Variants in TRPV3 observed in about 807,000 individuals in gnomAD.
TRPV3 encodes the protein VRL-3.
Under a neutral mutation model 87.1 loss-of-function variants are expected in TRPV3, and 88 were observed. The observed-to-expected ratio is 1.01, with a 90% CI of 0.85 to 1.21. The LOEUF is 1.21. TRPV3 is among the 50% of genes most tolerant of loss of function. The probability of loss-of-function intolerance (pLI) is 0.00; values close to 1 mark genes in which losing one functional copy is unlikely to be tolerated. For synonymous variants in TRPV3, 438 were observed against 423.3 expected, an observed-to-expected ratio of 1.03 and a Z score of -0.43; for missense variants, 1,054 against 1,030.1, an observed-to-expected ratio of 1.02 and a Z score of -0.32.
chr17:3,528,942 C>T lies in TRPV3; in HGVS notation c.1296G>A (p.Lys432=), dbSNP rs1409975346. The change falls in exon 10 of 18, where the codon AAG becomes AAA. Residue 432 remains lysine (K), a synonymous_variant. Transcript: ENST00000576742. This position sits in a 1 kb window ranked among gnomAD's most constrained non-coding sequence, Gnocchi z 4.2. ...ACATGTGCTTGGCAAACTTCTTCCA[C>T]TTCATATGCAGCAGCGTGTGCAGCG... ...LEPLHTLLHM[K]WKKFAKHMFF... The T allele has an allele frequency of 1.5e-5, 25 of 1,614,224 alleles. No individual in the cohort carries two copies. Among genetic ancestry groups the T allele is most frequent in the Non-Finnish European group, 2.1e-5 (25 of 1,180,044 alleles).
intron 13 of TRPV3, among the ~76,000 whole-genome samples, chr17:3,523,493 T>C (rs142013957): frequency 0.051 from 7,710 of 152,114 alleles, 650 homozygotes; most frequent in African/African-American, 0.17. Context: ...CCGAGGCAGG[T>C]GGATCACCTG....
At chr17:3,535,447 C>G in intron 7 of TRPV3, 126 bp downstream of exon 7, 1 of 940,716 alleles carries the variant, frequency 1.1e-6, no homozygotes. Context: ...TCCCTCCTCA[C>G]TTCCTTCCTC....
At chr17:3,554,980 C>G (rs2074613806) in intron 1 of TRPV3, 128 bp from the exon 2 acceptor site, 2 of 603,926 alleles carry the variant, frequency 3.3e-6, no homozygotes, top group East Asian at 2.8e-5. Flanking sequence ...TCACTCCTCC[C>G]TTCCCAGTTC....
chr17:3,549,287 G>A lies in TRPV3; in HGVS notation c.120-4016C>T, dbSNP rs151187922. On this transcript the variant is annotated intron_variant, in intron 2 of 17. Transcript: ENST00000576742. The stretch of plus-strand genomic sequence containing the variant: ...GAGCATCTACAATGTGCCAGGCACT[G>A]TTTCTGCAGCTGAGGATACAGTAGT... Among the ~76,000 whole-genome samples the A allele has an allele frequency of 1.8e-3, 274 of 152,304 alleles. 2 individuals carry two copies. The East Asian group carries it at 0.03, about 17-fold the overall frequency.
intron 2 of TRPV3, among the ~76,000 whole-genome samples, chr17:3,546,222 A>G (rs1174130501): frequency 6.6e-6 from 1 of 152,110 alleles, no homozygotes; most frequent in Non-Finnish European, 1.5e-5. Context: ...CGGGCGGATC[A>G]TCTGAGGTCG....
At chr17:3,514,513 A>AGG in intron 17 of TRPV3, 80 bp downstream of exon 17, 1 of 1,000,688 alleles carries the variant, frequency 1.0e-6, no homozygotes, top group Admixed American at 1.8e-5. Flanking sequence ...GGGGAAAGTC[A>AGG]GGACCCTTAG....
Position 3,543,528 on chromosome 17 carries a change from A to C in TRPV3, c.412T>G (p.Leu138Val). The C allele has an allele frequency of 6.2e-7, 1 of 1,613,808 alleles. No homozygotes were observed. Among genetic ancestry groups the C allele is most frequent in the South Asian group, 1.1e-5 (1 of 91,068 alleles). ...SEGCVEELVE[L>V]LVELQELCRR... The stretch of plus-strand genomic sequence containing the variant: ...CAAAGCTCCTGCAGCTCCACCAGCA[A>C]CTCTACCAACTCCTCCACGCAGCCC... Residue 138 changes from leucine (L) to valine (V), a missense_variant, in exon 5 of 18, where the codon TTG (leucine) becomes GTG (valine). By Grantham distance (32) the Leu-to-Val change is conservative. Coordinates refer to ENST00000576742, the MANE Select transcript of TRPV3 (RefSeq NM_145068.4).
intron 12 of TRPV3, among the ~76,000 whole-genome samples, chr17:3,525,054 C>T (rs563312464): frequency 3.3e-5 from 5 of 152,180 alleles, no homozygotes; most frequent in Admixed American, 6.5e-5. Context: ...GGGTCTTGCT[C>T]TGTCACCTAG....
chr17:3,538,717 T>C (rs1001002800), intron 6 of TRPV3, among the ~76,000 whole-genome samples: 7 of 152,036 alleles, frequency 4.6e-5, no homozygotes, highest in Non-Finnish European at 5.9e-5. Context: ...CCCAAGTAGC[T>C]GGGATTACAA....
At chr17:3,544,543 T>C in intron 4 of TRPV3, 36 bp downstream of exon 4, 1 of 1,370,842 alleles carries the variant, frequency 7.3e-7, no homozygotes, top group East Asian at 2.4e-5. Flanking sequence ...CCAGCCTGGG[T>C]GGGCACAGTG....
chr17:3,510,784 G>T lies in TRPV3; in HGVS notation c.*3133C>A, dbSNP rs907864156. ...GCCCGGATGACGGCCCATCTACCTGGGCCCTGCCCAGAGCGAAAGGTCACA... is the reference window on the plus strand; with the variant it reads ...GCCCGGATGACGGCCCATCTACCTGTGCCCTGCCCAGAGCGAAAGGTCACA... On this transcript the variant is annotated 3_prime_UTR_variant, in exon 18 of 18. Transcript: ENST00000576742. 3 of 152,172 alleles carry T rather than the reference G, an allele frequency of 2.0e-5. No homozygotes were observed. The highest frequency in any genetic ancestry group is 4.4e-5 in the Non-Finnish European group (3 of 68,036). The allele number at this position is 152,172 out of a possible 1,614,324, so 9.4% of individuals were successfully genotyped here.
chr17:3,527,118 A>T (rs2074307234), intron 11 of TRPV3, among the ~76,000 whole-genome samples, 191 bp from the exon 12 acceptor site: 1 of 152,036 alleles, frequency 6.6e-6, no homozygotes, highest in Non-Finnish European at 1.5e-5. Context: ...GTGAAGGTGA[A>T]CGCTCCCTCA....
intron 2 of TRPV3, among the ~76,000 whole-genome samples, chr17:3,545,989 C>CAA (rs376341464): frequency 2.6e-5 from 3 of 113,902 alleles, no homozygotes; most frequent in East Asian, 2.6e-4. Flanking sequence ...GACTCCGTCT[C>CAA]AAAAAAAAAA....
intron 6 of TRPV3, among the ~76,000 whole-genome samples, chr17:3,540,634 C>G (rs1453376258): frequency 2.6e-5 from 4 of 152,184 alleles, no homozygotes; most frequent in African/African-American, 9.7e-5. Context: ...AGACTTCATC[C>G]CTGCCCTCAA....
At chr17:3,520,019 T>G in intron 14 of TRPV3, among the ~76,000 whole-genome samples, 1 of 148,550 alleles carries the variant, frequency 6.7e-6, no homozygotes. Context: ...GATGGACGGA[T>G]AGACAGGTGG....
At chr17:3,541,204 A>G (rs1213966219) in intron 6 of TRPV3, among the ~76,000 whole-genome samples, 1 of 152,082 alleles carries the variant, frequency 6.6e-6, no homozygotes, top group Non-Finnish European at 1.5e-5. Context: ...CGTCTCTACT[A>G]AAAATCCAAA....
intron 17 of TRPV3, 92 bp downstream of exon 17, chr17:3,514,501 A>G (rs896305066): frequency 1.1e-5 from 10 of 877,244 alleles, no homozygotes; most frequent in Admixed American, 2.0e-5. Flanking sequence ...CATTTGACAG[A>G]TGGGGAAAGT....
chr17:3,551,150 A>G (rs1324473589), intron 2 of TRPV3, among the ~76,000 whole-genome samples: 1 of 152,214 alleles, frequency 6.6e-6, no homozygotes, highest in Non-Finnish European at 1.5e-5. Context: ...CAGCATGAGA[A>G]AGCCTCAGGA....
At chr17:3,544,547 C>T in intron 4 of TRPV3, 32 bp downstream of exon 4, 1 of 1,425,060 alleles carries the variant, frequency 7.0e-7, no homozygotes, top group Non-Finnish European at 9.7e-7. Flanking sequence ...CCTGGGTGGG[C>T]ACAGTGGGTG....
Sources: gnomAD v4.1 joint callset for allele counts (sites outside exome capture counted in the v4.1 genomes callset) on GRCh38, gnomAD v4.1.1 for gene constraint, Gnocchi (gnomAD v3.1) non-coding constraint, MANE v1.5 for transcripts, NCBI Gene and HGNC (gene_info 2026-07-23, HGNC 2026-07-21) for gene names.